ZNF423: variants seen among roughly 807,000 people sequenced by gnomAD.
The protein encoded by ZNF423 is Ebf-associated zinc finger protein.
ZNF423 carries 12 observed loss-of-function variants against 95.8 expected under a neutral mutation model. The ratio of observed to expected loss-of-function variants is 0.13; its 90% CI spans 0.08 to 0.20. The LOEUF (loss-of-function observed/expected upper bound fraction) is 0.20. ZNF423 is among the 10% of genes least tolerant of loss of function. The pLI is 1.00. For missense variants in ZNF423, 1,316 were observed against 1,737.1 expected (o/e 0.76, Z 4.31); for synonymous variants, 749 against 711.9 (o/e 1.05, Z -0.83).
In ZNF423 at chr16:49,637,952, G is replaced by C; in HGVS notation, c.1224C>G (p.Asp408Glu). The change falls in exon 4 of 8, where the codon GAC becomes GAG. Residue 408 changes from aspartate (D) to glutamate (E), a missense_variant. Coordinates refer to ENST00000563137, the MANE Select transcript of ZNF423 (RefSeq NM_001379286.1). The surrounding 1 kb of genome is among the most constrained non-coding windows in gnomAD (Gnocchi z 5.6). Reference protein sequence around the residue: ...PLRGQKKMRDDGQGWTKVVYS... With the variant: ...PLRGQKKMRDEGQGWTKVVYS... The stretch of plus-strand genomic sequence containing the variant: ...AGACCACCTTGGTCCAGCCCTGCCC[G>C]TCATCCCGCATCTTCTTCTGCCCCC... 6.2e-7 allele frequency: 1 copy of C among 1,614,088 alleles called. No homozygotes were observed. The highest frequency in any genetic ancestry group is 8.5e-7 in the Non-Finnish European group (1 of 1,180,034).
rs572289298 is a variant in ZNF423 at position 49,574,135 on chromosome 16, G to T, written c.3602-48641C>A. On this transcript the variant is annotated intron_variant, in intron 5 of 7. Transcript: ENST00000563137. ...GCAATGGTTCACACCTGTAATCCCA[G>T]CTCTTTGGGAGGCTGAGGCGGGAGG... is the stretch of plus-strand genomic sequence containing the variant. Among the ~76,000 whole-genome samples the T allele has an allele frequency of 3.3e-5, 5 of 152,344 alleles. No homozygotes were observed. In the South Asian group the frequency reaches 1.0e-3, roughly 32 times the overall value.
At chr16:49,724,866 AC>A (rs1424545294) in intron 3 of ZNF423, among the ~76,000 whole-genome samples, 1 of 152,058 alleles carries the variant, frequency 6.6e-6, no homozygotes, top group East Asian at 1.9e-4. Flanking sequence ...CGCAAAATTA[AC>A]CCACCAGGAA....
chr16:49,804,190 C>A lies in ZNF423; in HGVS notation c.41-14644G>T, dbSNP rs974187894. On this transcript the variant is annotated intron_variant, in intron 1 of 7. Transcript: ENST00000563137. ...CCTCAGGTGATCTGCCCATCTCGGC[C>A]TCCCAAAGTGCTGGGATTACAGGCC... is the stretch of plus-strand genomic sequence containing the variant. 9.9e-5 allele frequency among the ~76,000 whole-genome samples: 15 copies of A among 152,070 alleles called. 1 individual carries two copies. Among genetic ancestry groups the A allele is most frequent in the African/African-American group, 3.6e-4 (15 of 41,402 alleles).
At chr16:49,746,958 G>A (rs535985553) in intron 2 of ZNF423, among the ~76,000 whole-genome samples, 45 of 152,252 alleles carry the variant, frequency 3.0e-4, no homozygotes, top group African/African-American at 7.9e-4. Context: ...ACCCAAGTGG[G>A]GACACTAAGA....
intron 2 of ZNF423, among the ~76,000 whole-genome samples, chr16:49,775,823 T>C (rs1463566903): frequency 7.9e-5 from 12 of 152,154 alleles, no homozygotes; most frequent in African/African-American, 2.4e-4. Context: ...AGGATTGAAA[T>C]AAGGGCCTAT....
chr16:49,666,984 A>G (rs2030578673), intron 3 of ZNF423, among the ~76,000 whole-genome samples: 1 of 152,110 alleles, frequency 6.6e-6, no homozygotes, highest in African/African-American at 2.4e-5. Flanking sequence ...CATCACCAAC[A>G]CCGACCTCAA....
intron 3 of ZNF423, chr16:49,640,889 T>C (rs975708150): frequency 2.0e-5 from 3 of 152,328 alleles, no homozygotes; most frequent in African/African-American, 7.2e-5. Context: ...TGAGATGCAG[T>C]GGGAGGCGCC....
At chr16:49,724,796 A>G (rs1199813282) in intron 3 of ZNF423, among the ~76,000 whole-genome samples, 1 of 152,196 alleles carries the variant, frequency 6.6e-6, no homozygotes, top group Non-Finnish European at 1.5e-5. Context: ...TACCTTTCAC[A>G]GGGGCCAGGG....
intron 1 of ZNF423, among the ~76,000 whole-genome samples, chr16:49,802,485 T>A (rs1474557711): frequency 6.6e-6 from 1 of 152,132 alleles, no homozygotes; most frequent in Non-Finnish European, 1.5e-5. Flanking sequence ...GCAGTGTAAA[T>A]GCCCCCACTG....
At chr16:49,676,601 C>T (rs968014949) in intron 3 of ZNF423, among the ~76,000 whole-genome samples, 2 of 152,104 alleles carry the variant, frequency 1.3e-5, no homozygotes, top group Non-Finnish European at 2.9e-5. Flanking sequence ...GTGGCCACTT[C>T]TGCAGCCACA....
At chr16:49,589,918 G>T (rs559263299) in intron 5 of ZNF423, among the ~76,000 whole-genome samples, 1 of 151,750 alleles carries the variant, frequency 6.6e-6, no homozygotes, top group Non-Finnish European at 1.5e-5. Flanking sequence ...GCGGCCTGGC[G>T]CAAACACAAA....
At chr16:49,540,277 T>TTTTTG (rs751837184) in intron 5 of ZNF423, among the ~76,000 whole-genome samples, 14 of 152,126 alleles carry the variant, frequency 9.2e-5, no homozygotes, top group East Asian at 1.9e-4. Context: ...ATCCACAATG[T>TTTTTG]TTTTGTTTTG....
intron 7 of ZNF423, among the ~76,000 whole-genome samples, chr16:49,494,351 G>A (rs1327705890): frequency 1.3e-5 from 2 of 152,230 alleles, no homozygotes; most frequent in Non-Finnish European, 2.9e-5. Flanking sequence ...GGATGTCACA[G>A]CAGATGGAAA....
intron 5 of ZNF423, among the ~76,000 whole-genome samples, chr16:49,594,063 C>T (rs1301154375): frequency 4.6e-5 from 7 of 152,138 alleles, no homozygotes; most frequent in Admixed American, 4.6e-4. Flanking sequence ...CAAAGCGAGT[C>T]CTTGAGAACC....
chr16:49,698,772 C>T (rs896229869), intron 3 of ZNF423, among the ~76,000 whole-genome samples: 16 of 152,232 alleles, frequency 1.1e-4, no homozygotes, highest in Non-Finnish European at 2.2e-4. Context: ...AAGGTGCGGG[C>T]CGCGCTGCCG....
chr16:49,638,948 T>C lies in ZNF423; in HGVS notation c.302-74A>G, dbSNP rs113922747. ...GAGAAACAAGGACAGAGCCAGCTTC[T>C]CGACAGCACGCGGGCTGAGGCTGTG... On this transcript the variant is annotated intron_variant, in intron 3 of 7. Transcript: ENST00000563137. This position sits in a 1 kb window ranked among gnomAD's most constrained non-coding sequence, Gnocchi z 5.6. 1 of 1,507,552 alleles carries C rather than the reference T, an allele frequency of 6.6e-7. No individual in the cohort carries two copies. Among genetic ancestry groups the C allele is most frequent in the African/African-American group, 1.4e-5 (1 of 72,336 alleles). 93.4% of individuals were successfully genotyped at this position (1,507,552 alleles called of 1,614,324 possible).
chr16:49,851,684 T>G (rs1247706726), intron 1 of ZNF423, among the ~76,000 whole-genome samples: 1 of 152,212 alleles, frequency 6.6e-6, no homozygotes, highest in African/African-American at 2.4e-5. Flanking sequence ...TTTGCACCTT[T>G]CATTATGAAT....
intron 2 of ZNF423, among the ~76,000 whole-genome samples, chr16:49,775,605 A>G (rs1411937846): frequency 1.3e-5 from 2 of 152,188 alleles, no homozygotes; most frequent in Non-Finnish European, 2.9e-5. Context: ...TACAGATCAC[A>G]AAACTGAGCT....
Position 49,628,518 on chromosome 16 carries a change from TATCCATCCATCCATCTATCC to T in ZNF423, c.3517-2284_3517-2265del, listed in dbSNP as rs1972386287. 2.0e-5 allele frequency among the ~76,000 whole-genome samples: 3 copies of T among 149,926 alleles called. No homozygotes were observed. In the East Asian group the frequency reaches 6.0e-4, roughly 30 times the overall value. On this transcript the variant is annotated intron_variant, in intron 4 of 7. Coordinates refer to ENST00000563137, the MANE Select transcript of ZNF423 (RefSeq NM_001379286.1). ...CTACCCATTCGTCCATCTACACACA[TATCCATCCATCCATCTATCC>T]ATCCATCCATCCATCCATCCATCCA... is the stretch of plus-strand genomic sequence containing the variant.
Sources: gnomAD v4.1 joint callset for allele counts (sites outside exome capture counted in the v4.1 genomes callset) on GRCh38, gnomAD v4.1.1 for gene constraint, Gnocchi (gnomAD v3.1) non-coding constraint, MANE v1.5 for transcripts, NCBI Gene and HGNC (gene_info 2026-07-23, HGNC 2026-07-21) for gene names.